Variants in HOGA1 observed in about 807,000 individuals in gnomAD.
The protein encoded by HOGA1 is 4-hydroxy-2-oxoglutarate aldolase 1.
HOGA1 carries 30 observed loss-of-function variants against 34.3 expected under a neutral mutation model. The observed-to-expected ratio is 0.87, with a 90% CI of 0.65 to 1.19. The LOEUF is 1.19. Among genes scored for constraint, HOGA1 ranks in the 50% most tolerant of loss-of-function variants. HOGA1 has a pLI of 0.00. For synonymous variants in HOGA1, 161 were observed against 174.0 expected, an observed-to-expected ratio of 0.93 and a Z score of 0.59; for missense variants, 417 against 436.5, an observed-to-expected ratio of 0.96 and a Z score of 0.40.
rs2135729850 is a variant in HOGA1 at position 97,611,569 on chromosome 10, T to C, written c.894T>C (p.Tyr298=). The C allele has an allele frequency of 1.2e-6, 2 of 1,614,234 alleles. No individual in the cohort carries two copies. The highest frequency in any genetic ancestry group is 2.2e-5 in the East Asian group (1 of 44,888). The change falls in exon 7 of 7, where the codon TAT becomes TAC. Residue 298 remains tyrosine, a synonymous_variant. Coordinates refer to ENST00000370646, the MANE Select transcript of HOGA1 (RefSeq NM_138413.4). ...AAATCATGGACTGGTTTGGCTACTA[T>C]GGAGGCCCCTGCCGCGCCCCCTTGC... ...LKKIMDWFGY[Y]GGPCRAPLQE...
rs760180544 is a variant in HOGA1 at position 97,611,574 on chromosome 10, G to A, written c.899G>A (p.Gly300Asp). 3 of 1,614,196 alleles carry A rather than the reference G, an allele frequency of 1.9e-6. No individual in the cohort carries two copies. Among genetic ancestry groups the A allele is most frequent in the African/African-American group, 2.7e-5 (2 of 75,058 alleles). ...ATGGACTGGTTTGGCTACTATGGAG[G>A]CCCCTGCCGCGCCCCCTTGCAGGAG... is the stretch of plus-strand genomic sequence containing the variant. ...KIMDWFGYYG[G>D]PCRAPLQELS... The change falls in exon 7 of 7, where the codon GGC becomes GAC. Residue 300 changes from glycine to aspartate, a missense_variant. Coordinates refer to ENST00000370646, the MANE Select transcript of HOGA1 (RefSeq NM_138413.4).
intron 1 of HOGA1, among the ~76,000 whole-genome samples, chr10:97,594,913 A>T (rs2041057336): frequency 6.6e-6 from 1 of 152,174 alleles, no homozygotes; most frequent in African/African-American, 2.4e-5. Context: ...CCATGGGGAA[A>T]TATTATACAA....
At chr10:97,600,196 G>T in intron 5 of HOGA1, 33 bp downstream of exon 5, 1 of 1,559,880 alleles carries the variant, frequency 6.4e-7, no homozygotes, top group Non-Finnish European at 8.8e-7. Context: ...ATTGTCATGG[G>T]TGACCAAGAG....
At chr10:97,588,032 G>A (rs888808249) in intron 1 of HOGA1, among the ~76,000 whole-genome samples, 17 of 149,306 alleles carry the variant, frequency 1.1e-4, no homozygotes, top group African/African-American at 4.0e-4. Flanking sequence ...GGCTGATCTC[G>A]AATTCCTGAG....
intron 6 of HOGA1, among the ~76,000 whole-genome samples, chr10:97,602,873 G>A (rs1024343480): frequency 2.6e-5 from 4 of 152,176 alleles, no homozygotes; most frequent in Non-Finnish European, 5.9e-5. Flanking sequence ...TCATTTTTCA[G>A]TAGAGATGGG....
chr10:97,590,427 A>G, intron 1 of HOGA1: 1 of 1,614,094 alleles, frequency 6.2e-7, no homozygotes, highest in Non-Finnish European at 8.5e-7. Flanking sequence ...GTAGAGATGA[A>G]GCTGCAAAAG....
chr10:97,599,350 C>A, intron 3 of HOGA1, 134 bp downstream of exon 3: 1 of 1,090,578 alleles, frequency 9.2e-7, no homozygotes, highest in Non-Finnish European at 1.4e-6. Flanking sequence ...ATCAGCTGCA[C>A]GACATTGGGA....
intron 6 of HOGA1, 130 bp from the exon 7 acceptor site, chr10:97,611,380 T>C (rs1054054667): frequency 8.1e-6 from 8 of 992,876 alleles, no homozygotes; most frequent in African/African-American, 6.3e-5. Context: ...CTGGGTGCCA[T>C]AGAGTTGGCA....
At chr10:97,610,687 C>G (rs139571959) in intron 6 of HOGA1, among the ~76,000 whole-genome samples, 3 of 152,052 alleles carry the variant, frequency 2.0e-5, no homozygotes, top group South Asian at 2.1e-4. Flanking sequence ...GTAATCTCAG[C>G]TACTCAGGAG....
At position 97,611,689 on chromosome 10, in the gene HOGA1, C is replaced by G; in HGVS notation, c.*30C>G. 6.2e-7 allele frequency: 1 copy of G among 1,600,872 alleles called. No individual in the cohort carries two copies. The highest frequency in any genetic ancestry group is 8.5e-7 in the Non-Finnish European group (1 of 1,175,890). ...AGGCAGGGTCCATGGCTGGCCTGAG[C>G]CCATCTCAGCCTCCTGCCTTGCACT... On this transcript the variant is annotated 3_prime_UTR_variant, in exon 7 of 7. Transcript: ENST00000370646.
In HOGA1 at chr10:97,588,392, G is replaced by A. The variant is rs1255137984; in HGVS notation, c.211+3478G>A. Among the ~76,000 whole-genome samples the A allele has an allele frequency of 2.6e-5, 4 of 151,976 alleles. No homozygotes were observed. The East Asian group carries it at 7.8e-4, about 29-fold the overall frequency. On this transcript the variant is annotated intron_variant, in intron 1 of 6. Transcript: ENST00000370646. ...TTTTGTGTGTGTGTGTGTATTTTTA[G>A]TAGAGATGGGGTTTCACCGTGTTAG... is the stretch of plus-strand genomic sequence containing the variant.
chr10:97,587,387 G>C (rs1242948632), intron 1 of HOGA1, among the ~76,000 whole-genome samples: 2 of 152,200 alleles, frequency 1.3e-5, no homozygotes, highest in South Asian at 4.1e-4. Context: ...AGGAGTTGGA[G>C]ACCAGCCTGG....
Position 97,584,865 on chromosome 10 carries a change from T to C in HOGA1, c.162T>C (p.Tyr54=). 1 of 1,614,144 alleles carries C rather than the reference T, an allele frequency of 6.2e-7. No individual in the cohort carries two copies. The highest frequency in any genetic ancestry group is 2.2e-5 in the East Asian group (1 of 44,872). The change falls in exon 1 of 7, where the codon TAT becomes TAC. Residue 54 remains tyrosine (Y), a synonymous_variant. Transcript: ENST00000370646. The part of the protein sequence containing the change: ...TPFTATAEVD[Y]GKLEENLHKL... ...TCACTGCCACTGCAGAGGTGGACTATGGGAAACTGGAGGAGAATCTGCACA... is the reference window on the plus strand; with the variant it reads ...TCACTGCCACTGCAGAGGTGGACTACGGGAAACTGGAGGAGAATCTGCACA...
chr10:97,593,522 A>T (rs1035971234), intron 1 of HOGA1, among the ~76,000 whole-genome samples: 31 of 152,262 alleles, frequency 2.0e-4, no homozygotes, highest in African/African-American at 7.5e-4. Flanking sequence ...TCATCACAAA[A>T]ATGCTTAAGC....
chr10:97,599,719 G>A lies in HOGA1; in HGVS notation c.508G>A (p.Val170Ile). Residue 170 changes from valine (V) to isoleucine (I), a missense_variant, in exon 4 of 7, where the codon GTC becomes ATC. Coordinates refer to ENST00000370646, the MANE Select transcript of HOGA1 (RefSeq NM_138413.4). ...TCCAATCCCTGTGGTGCTGTACAGT[G>A]TCCCAGCCAACACAGGGCTGGACCT... is the stretch of plus-strand genomic sequence containing the variant. ...LSPIPVVLYSVPANTGLDLPV... is the reference protein window; with the variant it reads ...LSPIPVVLYSIPANTGLDLPV... 3 of 1,614,148 alleles carry A rather than the reference G, an allele frequency of 1.9e-6. No individual in the cohort carries two copies. The highest frequency in any genetic ancestry group is 2.5e-6 in the Non-Finnish European group (3 of 1,180,018).
At position 97,588,459 on chromosome 10, in the gene HOGA1, C is replaced by T. The variant is rs538788677; in HGVS notation, c.211+3545C>T. ...CTCCTGACCTCGTGATCGTCCGCCT[C>T]GGCCTCCCAAAGTGTTGGGATTACA... On this transcript the variant is annotated intron_variant, in intron 1 of 6. Transcript: ENST00000370646. Among the ~76,000 whole-genome samples the T allele has an allele frequency of 9.2e-5, 14 of 152,282 alleles. No homozygotes were observed. In the South Asian group the frequency reaches 2.5e-3, roughly 27 times the overall value.
rs533968127 is a variant in HOGA1, at chr10:97,609,327, G to A, written c.835-2183G>A. Among the ~76,000 whole-genome samples, 5 of 152,206 alleles carry A rather than the reference G, an allele frequency of 3.3e-5. No homozygotes were observed. In the South Asian group the frequency reaches 8.3e-4, roughly 25 times the overall value. On this transcript the variant is annotated intron_variant, in intron 6 of 6. Transcript: ENST00000370646. ...GTTTTTCTCATCTGGCCCTTGGGAC[G>A]TCTCTATGGGGTAGGTGTTGTTATC...
At chr10:97,587,404 T>G (rs1364160264) in intron 1 of HOGA1, among the ~76,000 whole-genome samples, 2 of 152,114 alleles carry the variant, frequency 1.3e-5, no homozygotes, top group Admixed American at 1.3e-4. Context: ...CTGGCCAACA[T>G]AGTGAGACCC....
chr10:97,606,760 G>T (rs1272484200), intron 6 of HOGA1, among the ~76,000 whole-genome samples: 22 of 152,050 alleles, frequency 1.4e-4, no homozygotes, highest in Admixed American at 1.4e-3. Context: ...AATTTTACAA[G>T]AATCTTGTTT....
Sources: gnomAD v4.1 joint callset for allele counts (sites outside exome capture counted in the v4.1 genomes callset) on GRCh38, gnomAD v4.1.1 for gene constraint, MANE v1.5 for transcripts, NCBI Gene and HGNC (gene_info 2026-07-23, HGNC 2026-07-21) for gene names.